OLFM4: variants seen among roughly 807,000 people sequenced by gnomAD.
The protein encoded by OLFM4 is olfactomedin 4.
A neutral mutation model predicts 25.5 loss-of-function variants in OLFM4; 22 were observed. The ratio of observed to expected loss-of-function variants is 0.86; its 90% confidence interval spans 0.62 to 1.23. OLFM4 has a LOEUF of 1.23. Among genes scored for constraint, OLFM4 ranks in the 50% most tolerant of loss-of-function variants. OLFM4 has a pLI of 0.00. For missense variants in OLFM4, 594 were observed against 619.4 expected (o/e 0.96, Z 0.44); for synonymous variants, 255 against 237.7 (o/e 1.07, Z -0.67).
chr13:53,036,366 T>C (rs571867919), intron 2 of OLFM4, among the ~76,000 whole-genome samples: 37 of 152,306 alleles, frequency 2.4e-4, no homozygotes, highest in African/African-American at 8.4e-4. Flanking sequence ...TCTTTTCAGT[T>C]AGAGTCATTT....
chr13:53,031,850 A>G (rs1349933435), intron 1 of OLFM4, among the ~76,000 whole-genome samples: 2 of 152,194 alleles, frequency 1.3e-5, no homozygotes, highest in East Asian at 3.9e-4. Flanking sequence ...GGGGAATCGC[A>G]TATTCTTCCA....
chr13:53,038,063 A>G (rs983134190), intron 2 of OLFM4, among the ~76,000 whole-genome samples: 2 of 152,224 alleles, frequency 1.3e-5, no homozygotes, highest in Non-Finnish European at 2.9e-5. Context: ...TAAAGGCTCA[A>G]CTAAAACATA....
At chr13:53,031,561 C>T (rs1214402989) in intron 1 of OLFM4, among the ~76,000 whole-genome samples, 1 of 152,136 alleles carries the variant, frequency 6.6e-6, no homozygotes, top group African/African-American at 2.4e-5. Flanking sequence ...GGAAAAGCCT[C>T]AATGCTCACT....
intron 2 of OLFM4, among the ~76,000 whole-genome samples, chr13:53,040,980 A>C (rs1954683871): frequency 6.6e-6 from 1 of 152,160 alleles, no homozygotes; most frequent in Non-Finnish European, 1.5e-5. Flanking sequence ...AAAATAACAG[A>C]TGCTGGTGAG....
intron 3 of OLFM4, 108 bp downstream of exon 3, chr13:53,042,230 T>C: frequency 1.1e-6 from 1 of 921,242 alleles, no homozygotes. Flanking sequence ...CTTCTAATTC[T>C]CTACTGTCTC....
intron 3 of OLFM4, 35 bp downstream of exon 3, chr13:53,042,157 A>G: frequency 1.9e-6 from 3 of 1,573,574 alleles, no homozygotes; most frequent in Non-Finnish European, 2.6e-6. Context: ...TAAATTAATA[A>G]TAAACTCCCT....
intron 2 of OLFM4, among the ~76,000 whole-genome samples, chr13:53,039,630 T>C (rs1954677330): frequency 6.6e-6 from 1 of 150,748 alleles, no homozygotes; most frequent in South Asian, 2.1e-4. Flanking sequence ...GCAAATACTG[T>C]ACCATTTTCT....
chr13:53,039,135 T>C (rs147638084), intron 2 of OLFM4, among the ~76,000 whole-genome samples: 2 of 152,338 alleles, frequency 1.3e-5, no homozygotes, highest in South Asian at 2.1e-4. Context: ...GACAGTTGAA[T>C]CACTCATTTT....
At chr13:53,041,106 C>G (rs1954684732) in intron 2 of OLFM4, among the ~76,000 whole-genome samples, 2 of 152,122 alleles carry the variant, frequency 1.3e-5, no homozygotes, top group Admixed American at 6.5e-5. Context: ...TTCAACCTAG[C>G]AATCCCTTTA....
intron 2 of OLFM4, 45 bp from the exon 3 acceptor site, chr13:53,041,865 G>A: frequency 7.2e-7 from 1 of 1,381,000 alleles, no homozygotes; most frequent in Non-Finnish European, 1.0e-6. Flanking sequence ...AAGATGGTGT[G>A]ATACTACTCA....
chr13:53,036,109 A>G (rs1450255496), intron 2 of OLFM4, among the ~76,000 whole-genome samples: 1 of 152,226 alleles, frequency 6.6e-6, no homozygotes, highest in Non-Finnish European at 1.5e-5. Context: ...CTGAGACCCT[A>G]CTTTCAGCCT....
intron 3 of OLFM4, 111 bp downstream of exon 3, chr13:53,042,233 A>G: frequency 3.3e-6 from 3 of 903,114 alleles, no homozygotes; most frequent in Non-Finnish European, 5.2e-6. Flanking sequence ...CTAATTCTCT[A>G]CTGTCTCATG....
rs879232124 is a variant in OLFM4 at position 53,042,123 on chromosome 13, G to A, written c.570+1G>A. The A allele has an allele frequency of 5.6e-6, 9 of 1,613,232 alleles. No individual in the cohort carries two copies. The highest frequency in any genetic ancestry group is 1.1e-5 in the South Asian group (1 of 91,028). Reference sequence around the variant, plus strand: ...AATTGTTGACCAGCTGGAGGTGGAGGTAAGGAGTGAACTCACTTCTTGGTA... The same window carrying A: ...AATTGTTGACCAGCTGGAGGTGGAGATAAGGAGTGAACTCACTTCTTGGTA... On this transcript the variant is annotated splice_donor_variant, in intron 3 of 4. Coordinates refer to ENST00000219022, the MANE Select transcript of OLFM4 (RefSeq NM_006418.5). LOFTEE classifies it high-confidence loss of function.
chr13:53,034,049 T>C (rs1954643603), intron 1 of OLFM4, among the ~76,000 whole-genome samples: 1 of 75,902 alleles, frequency 1.3e-5, no homozygotes, highest in African/African-American at 4.6e-5. Flanking sequence ...AGAGTGAGAC[T>C]CCGTCTCAAA....
intron 2 of OLFM4, among the ~76,000 whole-genome samples, chr13:53,040,979 G>A (rs1954683863): frequency 6.6e-6 from 1 of 152,158 alleles, no homozygotes; most frequent in Admixed American, 6.5e-5. Flanking sequence ...AAAAATAACA[G>A]ATGCTGGTGA....
chr13:53,036,323 A>G (rs1954658242), intron 2 of OLFM4, among the ~76,000 whole-genome samples: 1 of 152,250 alleles, frequency 6.6e-6, no homozygotes, highest in African/African-American at 2.4e-5. Context: ...ATGCATAAAA[A>G]CATAACAAGT....
intron 1 of OLFM4, among the ~76,000 whole-genome samples, chr13:53,030,532 A>G (rs556805287): frequency 4.6e-5 from 7 of 152,182 alleles, no homozygotes; most frequent in African/African-American, 1.2e-4. Flanking sequence ...CGAACTCCTG[A>G]CCTCATGATC....
Position 53,043,105 on chromosome 13 carries a change from A to G in OLFM4, c.571A>G (p.Ile191Val). ...TCACTCTGAATTTTTATTTCCTTAG[A>G]TAAGAAATATGACTCTCTTGGTAGA... ...SEIVDQLEVEIRNMTLLVEKL... is the reference protein window; with the variant it reads ...SEIVDQLEVEVRNMTLLVEKL... The change falls in exon 4 of 5, where the codon ATA (isoleucine) becomes GTA (valine). Residue 191 changes from isoleucine (I) to valine (V), a missense_variant and splice_region_variant. Ile to Val is a conservative substitution (Grantham distance 29). Transcript: ENST00000219022. The G allele has an allele frequency of 1.3e-6, 2 of 1,583,656 alleles. No homozygotes were observed. Among genetic ancestry groups the G allele is most frequent in the South Asian group, 1.2e-5 (1 of 85,988 alleles).
At chr13:53,032,888 A>C (rs1254328751) in intron 1 of OLFM4, among the ~76,000 whole-genome samples, 1 of 152,208 alleles carries the variant, frequency 6.6e-6, no homozygotes, top group African/African-American at 2.4e-5. Flanking sequence ...TTAAATGCAC[A>C]GGACCCATTA....
Sources: allele counts gnomAD v4.1 joint callset (sites outside exome capture counted in the v4.1 genomes callset), GRCh38; gene constraint gnomAD v4.1.1; transcripts MANE v1.5; gene names NCBI Gene and HGNC (gene_info 2026-07-23, HGNC 2026-07-21).